Variants in SNAP91 observed in about 807,000 individuals in gnomAD.
SNAP91 encodes the protein clathrin coat assembly protein AP180.
SNAP91 carries 27 observed loss-of-function variants against 100.3 expected under a neutral mutation model. The ratio of observed to expected loss-of-function variants is 0.27; its 90% confidence interval spans 0.20 to 0.37. SNAP91 has a LOEUF of 0.37. Among genes scored for constraint, SNAP91 ranks in the 10% least tolerant of loss-of-function variants. SNAP91 has a pLI of 1.00. For missense variants in SNAP91, 986 were observed against 1,123.7 expected (o/e 0.88, Z 1.75); for synonymous variants, 404 against 398.6 (o/e 1.01, Z -0.16).
At chr6:83,588,787 C>T (rs929327147) in intron 22 of SNAP91, among the ~76,000 whole-genome samples, 2 of 152,140 alleles carry the variant, frequency 1.3e-5, no homozygotes, top group Admixed American at 1.3e-4. Context: ...CTTTGAGAAA[C>T]ACAATATCTC....
intron 8 of SNAP91, 148 bp downstream of exon 8, chr6:83,640,948 G>A (rs1227872782): frequency 4.4e-6 from 2 of 455,836 alleles, no homozygotes; most frequent in Admixed American, 4.4e-5. Context: ...GACTTCCAAA[G>A]TCACTTCCAA....
In SNAP91 at chr6:83,592,361, TA is replaced by T. The variant is rs2093881440; in HGVS notation, c.1930+93del. The T allele has an allele frequency of 1.3e-5, 11 of 876,678 alleles. No homozygotes were observed. In the East Asian group the frequency reaches 2.8e-4, roughly 22 times the overall value. The allele number at this position is 876,678 out of a possible 1,614,324, so 54.3% of individuals were successfully genotyped here. On this transcript the variant is annotated intron_variant, in intron 21 of 29. Coordinates refer to ENST00000369694, the MANE Select transcript of SNAP91 (RefSeq NM_001242792.2). Reference sequence around the variant, plus strand: ...TTAAGAGACAGAATTTTATATAGCCTAAAGAAAAAATGATGAAATATAATAA... The same window carrying T: ...TTAAGAGACAGAATTTTATATAGCCTAAGAAAAAATGATGAAATATAATAA...
At chr6:83,675,827 AACACACACACACACACAC>A (rs373927158) in intron 2 of SNAP91, among the ~76,000 whole-genome samples, 5 of 138,198 alleles carry the variant, frequency 3.6e-5, no homozygotes, top group African/African-American at 1.4e-4. Flanking sequence ...CACTTGAAGG[AACACACACACACACACAC>A]ACACACACAC....
rs201369326 is a variant in SNAP91, at chr6:83,603,977, GTATT to G, written c.1141+1704_1141+1707del. Among the ~76,000 whole-genome samples the G allele has an allele frequency of 8.5e-3, 1,297 of 152,190 alleles. 14 individuals are homozygous for G. The highest frequency in any genetic ancestry group is 0.029 in the African/African-American group (1,212 of 41,538). ...ACAATATTATGTGTCTTAGCAAAAA[GTATT>G]TAGAGATGAAAATGAATAAAAATGT... On this transcript the variant is annotated intron_variant, in intron 14 of 29. Transcript: ENST00000369694.
intron 14 of SNAP91, among the ~76,000 whole-genome samples, chr6:83,602,084 T>C (rs534540800): frequency 1.6e-4 from 25 of 152,106 alleles, no homozygotes; most frequent in Admixed American, 3.9e-4. Context: ...CAACACACAC[T>C]TATTTGTGCT....
chr6:83,646,267 C>T (rs1395493020), intron 7 of SNAP91, among the ~76,000 whole-genome samples: 1 of 152,172 alleles, frequency 6.6e-6, no homozygotes, highest in Non-Finnish European at 1.5e-5. Context: ...ATGGATCACA[C>T]CTCTGATGTT....
At chr6:83,674,122 T>C (rs140237813) in intron 2 of SNAP91, among the ~76,000 whole-genome samples, 3 of 152,302 alleles carry the variant, frequency 2.0e-5, no homozygotes, top group African/African-American at 7.2e-5. Context: ...TGCTGGGAAC[T>C]TCTTGTTAAG....
intron 2 of SNAP91, among the ~76,000 whole-genome samples, chr6:83,699,759 C>T (rs1211765704): frequency 6.6e-6 from 1 of 152,078 alleles, no homozygotes; most frequent in African/African-American, 2.4e-5. Context: ...AAGGACAAGA[C>T]AAACAGAAGA....
At chr6:83,580,059 C>A (rs1328979390) in intron 24 of SNAP91, among the ~76,000 whole-genome samples, 1 of 152,150 alleles carries the variant, frequency 6.6e-6, no homozygotes, top group East Asian at 1.9e-4. Flanking sequence ...GAACAAATGA[C>A]TGAAACTCAG....
At chr6:83,598,615 A>G (rs368383165) in intron 16 of SNAP91, among the ~76,000 whole-genome samples, 4 of 152,174 alleles carry the variant, frequency 2.6e-5, no homozygotes, top group African/African-American at 9.7e-5. Context: ...GGCATGTTTT[A>G]AAGTTGTAAA....
At chr6:83,677,970 G>T (rs1402810326) in intron 2 of SNAP91, among the ~76,000 whole-genome samples, 2 of 152,208 alleles carry the variant, frequency 1.3e-5, no homozygotes, top group Non-Finnish European at 2.9e-5. Flanking sequence ...TAAGCTGGCA[G>T]TAATTGCTGG....
At chr6:83,569,767 T>C (rs950605182) in intron 26 of SNAP91, among the ~76,000 whole-genome samples, 1 of 152,124 alleles carries the variant, frequency 6.6e-6, no homozygotes, top group Admixed American at 6.6e-5. Context: ...TCTCATGAGA[T>C]CTGATGGTTT....
intron 7 of SNAP91, among the ~76,000 whole-genome samples, chr6:83,645,570 G>A (rs2128594163): frequency 6.6e-6 from 1 of 152,260 alleles, no homozygotes; most frequent in South Asian, 2.1e-4. Context: ...AATCTGGCCA[G>A]GTATGGTGGC....
At chr6:83,560,443 C>T (rs958272390) in intron 27 of SNAP91, among the ~76,000 whole-genome samples, 1 of 152,130 alleles carries the variant, frequency 6.6e-6, no homozygotes, top group African/African-American at 2.4e-5. Context: ...CCATCCCAAC[C>T]AAGCTTTGTT....
At chr6:83,701,728 G>A (rs1433719885) in intron 2 of SNAP91, among the ~76,000 whole-genome samples, 1 of 152,158 alleles carries the variant, frequency 6.6e-6, no homozygotes, top group Non-Finnish European at 1.5e-5. Context: ...GATTACAGGC[G>A]TGAGCCACAG....
Position 83,605,761 on chromosome 6 carries a change from G to A in SNAP91, c.1065C>T (p.Asp355=), listed in dbSNP as rs2095570815. Residue 355 remains aspartate, a synonymous_variant, in exon 14 of 30, where the codon GAC becomes GAT. Coordinates refer to ENST00000369694, the MANE Select transcript of SNAP91 (RefSeq NM_001242792.2). ...CTGCTGCTGCCCCTCCAGAGGAAAA[G>A]TCTGGCTGGAGGTCCAGGAGATCAC... ...PSSDLLDLQP[D]FSSGGAAAAA... The A allele has an allele frequency of 4.5e-6, 7 of 1,553,360 alleles. No homozygotes were observed. The highest frequency in any genetic ancestry group is 6.1e-6 in the Non-Finnish European group (7 of 1,147,928).
At chr6:83,563,879 C>A (rs1360024788) in intron 26 of SNAP91, among the ~76,000 whole-genome samples, 2 of 152,114 alleles carry the variant, frequency 1.3e-5, no homozygotes, top group African/African-American at 4.8e-5. Flanking sequence ...TGGAAAGACA[C>A]CCTTTGTTCA....
chr6:83,660,417 T>C (rs762793606), intron 5 of SNAP91, among the ~76,000 whole-genome samples: 12 of 152,216 alleles, frequency 7.9e-5, no homozygotes, highest in Non-Finnish European at 1.8e-4. Flanking sequence ...AGGTTAGCCA[T>C]TGCAAAAATA....
At chr6:83,682,630 C>T (rs374171069) in intron 2 of SNAP91, among the ~76,000 whole-genome samples, 8 of 151,766 alleles carry the variant, frequency 5.3e-5, no homozygotes, top group Non-Finnish European at 8.8e-5. Context: ...ATGTGCACAA[C>T]GTGCAGGTTA....
Sources: allele counts gnomAD v4.1 joint callset (sites outside exome capture counted in the v4.1 genomes callset), GRCh38; gene constraint gnomAD v4.1.1; transcripts MANE v1.5; gene names NCBI Gene and HGNC (gene_info 2026-07-23, HGNC 2026-07-21).